The following IL1RAP variants were observed in gnomAD, a reference collection of about 807,000 sequenced individuals.
IL1RAP encodes interleukin 1 receptor accessory protein, also known as interleukin-1 receptor accessory protein.
Under a neutral mutation model 60.7 loss-of-function variants are expected in IL1RAP, and 35 were observed. That is an observed-to-expected ratio of 0.58 (90% confidence interval 0.44 to 0.76). The LOEUF is 0.76. IL1RAP is among the 30% of genes least tolerant of loss of function. IL1RAP has a pLI of 0.00. For missense variants in IL1RAP, 572 were observed against 693.9 expected (o/e 0.82, Z 1.97); for synonymous variants, 268 against 250.9 (o/e 1.07, Z -0.64).
chr3:190,652,704 A>G (rs1481042631), downstream of IL1RAP, among the ~76,000 whole-genome samples: 1 of 152,224 alleles, frequency 6.6e-6, no homozygotes, highest in Non-Finnish European at 1.5e-5. Context: ...TAGGCCTGCC[A>G]TTACCAGAGG....
At chr3:190,562,080 G>A (rs1424051063) in intron 2 of IL1RAP, among the ~76,000 whole-genome samples, 1 of 152,148 alleles carries the variant, frequency 6.6e-6, no homozygotes, top group African/African-American at 2.4e-5. Context: ...ATCTTCTGTA[G>A]TTCTTTTTCT....
Position 190,648,681 on chromosome 3 carries a change from G to C in IL1RAP, c.1689G>C (p.Ser563=). Residue 563 remains serine, a synonymous_variant, in exon 12 of 12, where the codon TCG becomes TCC. Transcript: ENST00000447382. ...RRSSSDEQGL[S]YSSLKNV is the part of the protein sequence containing the mutation. ...CTAGCAGTGATGAGCAGGGCCTCTC[G>C]TATTCATCTTTGAAAAATGTATGAA... 6.2e-7 allele frequency: 1 copy of C among 1,610,626 alleles called. No individual in the cohort carries two copies. The highest frequency in any genetic ancestry group is 8.5e-7 in the Non-Finnish European group (1 of 1,178,918).
At chr3:190,579,241 A>G (rs2108674049) in intron 3 of IL1RAP, among the ~76,000 whole-genome samples, 1 of 152,226 alleles carries the variant, frequency 6.6e-6, no homozygotes, top group East Asian at 1.9e-4. Context: ...GCCTTTCTTC[A>G]TTTCTCTATG....
intron 9 of IL1RAP, 152 bp from the exon 10 acceptor site, chr3:190,644,096 A>G (rs952924519): frequency 2.5e-5 from 35 of 1,386,790 alleles, no homozygotes; most frequent in Non-Finnish European, 2.6e-5. Context: ...GTATTTTAAA[A>G]TAGTGCTAAA....
intron 5 of IL1RAP, among the ~76,000 whole-genome samples, chr3:190,613,357 G>A (rs1272573907): frequency 1.3e-5 from 2 of 152,114 alleles, no homozygotes; most frequent in African/African-American, 4.8e-5. Context: ...CTGGCGGGTG[G>A]CAGTGACTAG....
At chr3:190,639,698 T>G (rs1733508912) in intron 9 of IL1RAP, among the ~76,000 whole-genome samples, 1 of 152,210 alleles carries the variant, frequency 6.6e-6, no homozygotes. Context: ...GATGTTACAA[T>G]TTTGAGTTCT....
At chr3:190,569,243 G>A (rs546012787) in intron 3 of IL1RAP, among the ~76,000 whole-genome samples, 112 of 152,176 alleles carry the variant, frequency 7.4e-4, no homozygotes, top group Non-Finnish European at 1.4e-3. Flanking sequence ...AAATTCTGTC[G>A]TATTTTTGCA....
intron 3 of IL1RAP, among the ~76,000 whole-genome samples, chr3:190,592,546 T>C (rs912815796): frequency 1.3e-5 from 2 of 152,134 alleles, no homozygotes; most frequent in East Asian, 3.9e-4. Context: ...AGCTTTAAAA[T>C]TATCTAGAAA....
intron 1 of IL1RAP, among the ~76,000 whole-genome samples, chr3:190,541,813 A>G (rs1435751325): frequency 6.6e-6 from 1 of 152,156 alleles, no homozygotes; most frequent in African/African-American, 2.4e-5. Flanking sequence ...AACCATCATT[A>G]TCACTTTAAC....
At chr3:190,576,546 T>C (rs1385257838) in intron 3 of IL1RAP, among the ~76,000 whole-genome samples, 1 of 152,170 alleles carries the variant, frequency 6.6e-6, no homozygotes, top group African/African-American at 2.4e-5. Flanking sequence ...CGATGCCATT[T>C]TTTTTCACTC....
chr3:190,648,773 T>A lies in IL1RAP; in HGVS notation c.*68T>A. On this transcript the variant is annotated 3_prime_UTR_variant, in exon 12 of 12. Transcript: ENST00000447382. ...GAAGAAAGAGTCCCCCCAGTCTTCATTCGCAGTTTATGGTTTCATAGGCAA... is the reference window on the plus strand; with the variant it reads ...GAAGAAAGAGTCCCCCCAGTCTTCAATCGCAGTTTATGGTTTCATAGGCAA... 1.3e-6 allele frequency: 2 copies of A among 1,522,778 alleles called. No homozygotes were observed. The highest frequency in any genetic ancestry group is 1.8e-6 in the Non-Finnish European group (2 of 1,139,062). 94.3% of individuals were successfully genotyped at this position (1,522,778 alleles called of 1,614,324 possible). A position where few individuals can be genotyped will look rare whatever the true frequency, so the allele number is the denominator to read the frequency against.
intron 1 of IL1RAP, among the ~76,000 whole-genome samples, chr3:190,528,945 G>C (rs571572912): frequency 7.2e-5 from 11 of 152,172 alleles, no homozygotes; most frequent in Non-Finnish European, 1.3e-4. Context: ...ACAATTGTGG[G>C]AGAGACTGGG....
rs746518154 is a variant in IL1RAP at position 190,648,926 on chromosome 3, C to T, written c.*221C>T. 7 of 1,319,500 alleles carry T rather than the reference C, an allele frequency of 5.3e-6. No individual in the cohort carries two copies. The highest frequency in any genetic ancestry group is 6.8e-6 in the Non-Finnish European group (7 of 1,035,834). The allele number at this position is 1,319,500 out of a possible 1,614,324, so 81.7% of individuals were successfully genotyped here. A position where few individuals can be genotyped will look rare whatever the true frequency, so the allele number is the denominator to read the frequency against. On this transcript the variant is annotated 3_prime_UTR_variant, in exon 12 of 12. Transcript: ENST00000447382. ...ACGTTCTGTCACCAGTCTCTGATGC[C>T]ACTATGTTCTTTGCAGGCAAAGACT...
At chr3:190,627,487 T>C in intron 8 of IL1RAP, 38 bp downstream of exon 8, 1 of 1,591,462 alleles carries the variant, frequency 6.3e-7, no homozygotes, top group South Asian at 1.2e-5. Context: ...TTAACCTTTG[T>C]TTCTCAACTT....
chr3:190,588,161 T>C (rs1728626234), intron 3 of IL1RAP, among the ~76,000 whole-genome samples: 1 of 152,232 alleles, frequency 6.6e-6, no homozygotes, highest in South Asian at 2.1e-4. Context: ...GTTGCCAGGC[T>C]GGAGTGCAGT....
At chr3:190,556,369 G>C (rs1027197588) in intron 2 of IL1RAP, among the ~76,000 whole-genome samples, 153 bp downstream of exon 2, 1 of 151,336 alleles carries the variant, frequency 6.6e-6, no homozygotes, top group African/African-American at 2.4e-5. Context: ...ATAATATATA[G>C]CATTTTTTAT....
At chr3:190,609,867 G>A (rs980938294) in intron 5 of IL1RAP, among the ~76,000 whole-genome samples, 12 of 152,204 alleles carry the variant, frequency 7.9e-5, no homozygotes, top group Non-Finnish European at 1.8e-4. Flanking sequence ...GAAGGAAGCA[G>A]ATGGAAGTAA....
downstream of IL1RAP, among the ~76,000 whole-genome samples, chr3:190,652,522 C>T (rs188055487): frequency 1.5e-3 from 229 of 151,984 alleles, no homozygotes; most frequent in Non-Finnish European, 2.5e-3. Context: ...AATTGGTTAG[C>T]TTAGTAAAGG....
intron 1 of IL1RAP, among the ~76,000 whole-genome samples, chr3:190,516,463 T>C (rs989443565): frequency 6.6e-6 from 1 of 152,258 alleles, no homozygotes; most frequent in African/African-American, 2.4e-5. Context: ...TATACCCATA[T>C]CTTCATACAG....
Sources: allele counts gnomAD v4.1 joint callset (sites outside exome capture counted in the v4.1 genomes callset), GRCh38; gene constraint gnomAD v4.1.1; transcripts MANE v1.5; gene names NCBI Gene and HGNC (gene_info 2026-07-23, HGNC 2026-07-21).